DISC1: variants seen among roughly 807,000 people sequenced by gnomAD.
DISC1 encodes DISC1 scaffold protein, also known as disrupted in schizophrenia 1 protein.
DISC1 carries 57 observed loss-of-function variants against 84.5 expected under a neutral mutation model. The observed-to-expected ratio is 0.67, with a 90% confidence interval of 0.55 to 0.84. DISC1 has a LOEUF of 0.84. Among genes scored for constraint, DISC1 ranks in the 40% least tolerant of loss-of-function variants. The pLI, the probability that DISC1 is intolerant of heterozygous loss-of-function variation, is 0.00. For missense variants in DISC1, 1,000 were observed against 1,057.8 expected (o/e 0.95, Z 0.76); for synonymous variants, 411 against 415.2 (o/e 0.99, Z 0.12).
At position 231,770,823 on chromosome 1, in the gene DISC1, C is replaced by T; in HGVS notation, c.1399-12C>T. 1 of 1,613,094 alleles carries T rather than the reference C, an allele frequency of 6.2e-7. No individual in the cohort carries two copies. The highest frequency in any genetic ancestry group is 8.5e-7 in the Non-Finnish European group (1 of 1,179,508). On this transcript the variant is annotated splice_polypyrimidine_tract_variant and intron_variant, in intron 5 of 12. Coordinates refer to ENST00000439617, the MANE Select transcript of DISC1 (RefSeq NM_018662.3). ...GTTAATTTATAAAATCTTGTCTCCTCATTCTCTACAGAAAGAAATCGAAGC... is the reference window on the plus strand; with the variant it reads ...GTTAATTTATAAAATCTTGTCTCCTTATTCTCTACAGAAAGAAATCGAAGC...
chr1:231,858,548 C>T (rs1004362343), intron 9 of DISC1, among the ~76,000 whole-genome samples: 1 of 152,150 alleles, frequency 6.6e-6, no homozygotes, highest in Non-Finnish European at 1.5e-5. Flanking sequence ...TGCTGTCTTC[C>T]TCTGTCTCCC....
At chr1:231,660,398 C>T (rs192245821) in intron 1 of DISC1, among the ~76,000 whole-genome samples, 3 of 152,144 alleles carry the variant, frequency 2.0e-5, no homozygotes, top group Admixed American at 2.0e-4. Context: ...GAAGACAGCA[C>T]ACCAGTGGGT....
In DISC1 at chr1:231,973,678, T is replaced by G. The variant is rs150027881; in HGVS notation, c.2042+14790T>G. On this transcript the variant is annotated intron_variant, in intron 10 of 12. Transcript: ENST00000439617. ...TATTCACTGTGTGATCACATGCATT[T>G]TTCCTAGGCCTATAATAGGTTTCCC... Among the ~76,000 whole-genome samples, 72 of 152,358 alleles carry G rather than the reference T, an allele frequency of 4.7e-4. 1 individual carries two copies. The highest frequency in any genetic ancestry group is 1.6e-3 in the African/African-American group (67 of 41,588).
chr1:231,946,517 C>A (rs1264524168), intron 9 of DISC1, among the ~76,000 whole-genome samples: 9 of 152,150 alleles, frequency 5.9e-5, no homozygotes, highest in Non-Finnish European at 8.8e-5. Context: ...ACTGAATGGG[C>A]AAAAACTGAA....
chr1:231,838,501 A>G (rs2082787842), intron 9 of DISC1, among the ~76,000 whole-genome samples: 1 of 152,230 alleles, frequency 6.6e-6, no homozygotes, highest in Non-Finnish European at 1.5e-5. Context: ...CTCCATGCTT[A>G]TGTAAATAGG....
intron 9 of DISC1, among the ~76,000 whole-genome samples, chr1:231,832,917 T>C (rs2082346880): frequency 8.0e-6 from 1 of 125,506 alleles, no homozygotes; most frequent in South Asian, 2.6e-4. Context: ...GATAACAGGC[T>C]TTAATCATTT....
At chr1:231,728,800 A>G (rs2071105720) in intron 3 of DISC1, among the ~76,000 whole-genome samples, 1 of 143,014 alleles carries the variant, frequency 7.0e-6, no homozygotes, top group Non-Finnish European at 1.5e-5. Context: ...AGAGCCTTCT[A>G]CAGTGTATCT....
intron 1 of DISC1, among the ~76,000 whole-genome samples, chr1:231,647,240 A>G (rs930985043): frequency 1.3e-5 from 2 of 152,208 alleles, no homozygotes; most frequent in African/African-American, 2.4e-5. Context: ...TAATTTTTGT[A>G]TAAGGTGTAA....
intron 8 of DISC1, among the ~76,000 whole-genome samples, chr1:231,817,224 A>T (rs2125749503): frequency 6.6e-6 from 1 of 152,276 alleles, no homozygotes; most frequent in East Asian, 1.9e-4. Flanking sequence ...AGCTGGGATT[A>T]CAGGTGCTTA....
In DISC1 at chr1:231,919,139, A is replaced by G. The variant is rs190948231; in HGVS notation, c.1982-39689A>G. On this transcript the variant is annotated intron_variant, in intron 9 of 12. Transcript: ENST00000439617. ...TGAAACCTGATGGTTTTTAAGAAGC[A>G]GAAAATACCAGTTTTGTCCTCACTG... is the stretch of plus-strand genomic sequence containing the variant. Among the ~76,000 whole-genome samples, 5 of 152,356 alleles carry G rather than the reference A, an allele frequency of 3.3e-5. No homozygotes were observed. In the East Asian group the frequency reaches 9.6e-4, roughly 29 times the overall value.
chr1:231,921,251 G>C (rs2089991396), intron 9 of DISC1, among the ~76,000 whole-genome samples: 1 of 152,080 alleles, frequency 6.6e-6, no homozygotes, highest in Admixed American at 6.6e-5. Context: ...CTGGCTCAGG[G>C]CTCCAAGGAC....
At chr1:231,756,445 C>G (rs2075126185) in intron 4 of DISC1, among the ~76,000 whole-genome samples, 1 of 151,122 alleles carries the variant, frequency 6.6e-6, no homozygotes, top group Admixed American at 6.6e-5. Flanking sequence ...ATTCTATATT[C>G]ATTGAATGTG....
chr1:231,939,180 A>G (rs933482906), intron 9 of DISC1, among the ~76,000 whole-genome samples: 6 of 152,198 alleles, frequency 3.9e-5, no homozygotes, highest in Non-Finnish European at 8.8e-5. Flanking sequence ...ATTCTATTTA[A>G]TAAGTAGTAA....
chr1:231,641,017 C>G (rs2059605625), intron 1 of DISC1, among the ~76,000 whole-genome samples: 1 of 152,188 alleles, frequency 6.6e-6, no homozygotes, highest in African/African-American at 2.4e-5. Context: ...CTCTGGAGAC[C>G]CTGCTGGTCT....
At chr1:231,993,379 G>A (rs1665487271) in intron 10 of DISC1, among the ~76,000 whole-genome samples, 1 of 151,304 alleles carries the variant, frequency 6.6e-6, no homozygotes, top group Admixed American at 6.6e-5. Flanking sequence ...TACTAGATGG[G>A]ATAGATTGGA....
intron 9 of DISC1, among the ~76,000 whole-genome samples, chr1:231,856,907 G>T (rs1004959549): frequency 2.6e-5 from 4 of 152,212 alleles, no homozygotes; most frequent in Admixed American, 1.3e-4. Flanking sequence ...TTCATTAGGG[G>T]AACTTAGGCA....
rs773369045 is a variant in DISC1, at chr1:231,626,919, G to A, written c.52G>A (p.Val18Met). 8 of 1,504,910 alleles carry A rather than the reference G, an allele frequency of 5.3e-6. No individual in the cohort carries two copies. Among genetic ancestry groups the A allele is most frequent in the Non-Finnish European group, 7.1e-6 (8 of 1,134,660 alleles). 93.2% of individuals were successfully genotyped at this position (1,504,910 alleles called of 1,614,324 possible). A position where few individuals can be genotyped will look rare whatever the true frequency, so the allele number is the denominator to read the frequency against. ...GAPAAAGGGG[V>M]SHRAGSRDCL... ...CCCAGCCGCCGCCGGCGGCGGCGGC[G>A]TGAGCCACCGCGCAGGTAGGGGAGC... Residue 18 changes from valine (V) to methionine (M), a missense_variant, in exon 1 of 13, where the codon GTG becomes ATG. By Grantham distance (21) the Val-to-Met change is conservative. Coordinates refer to ENST00000439617, the MANE Select transcript of DISC1 (RefSeq NM_018662.3).
chr1:231,951,806 C>T (rs1658420367), intron 9 of DISC1, among the ~76,000 whole-genome samples: 1 of 151,998 alleles, frequency 6.6e-6, no homozygotes, highest in Non-Finnish European at 1.5e-5. Context: ...TGGCTCACAC[C>T]TGTAATCTCA....
intron 3 of DISC1, chr1:231,722,976 C>A: frequency 8.6e-7 from 1 of 1,166,464 alleles, no homozygotes; most frequent in Non-Finnish European, 1.1e-6. Context: ...ATGTCAGTTA[C>A]GGGAATTAAA....
Sources: gnomAD v4.1 joint callset for allele counts (sites outside exome capture counted in the v4.1 genomes callset) on GRCh38, gnomAD v4.1.1 for gene constraint, MANE v1.5 for transcripts, NCBI Gene and HGNC (gene_info 2026-07-23, HGNC 2026-07-21) for gene names.